Variants in CNTN5 observed in about 807,000 individuals in gnomAD.
CNTN5 encodes the protein contactin 5, also known as contactin-5.
In CNTN5, 77 loss-of-function variants were observed where a neutral mutation model predicts 129.1. The observed-to-expected ratio is 0.60, with a 90% CI of 0.50 to 0.72. The LOEUF is 0.72. CNTN5 is among the 30% of genes least tolerant of loss of function. CNTN5 has a pLI of 0.00. For synonymous variants in CNTN5, 509 were observed against 465.6 expected (o/e 1.09, Z -1.20); for missense variants, 1,478 against 1,328.8 (o/e 1.11, Z -1.75).
intron 6 of CNTN5, among the ~76,000 whole-genome samples, chr11:99,847,874 C>T (rs923573484): frequency 1.3e-5 from 2 of 151,934 alleles, no homozygotes; most frequent in Non-Finnish European, 2.9e-5. Context: ...AAAAGGGGTT[C>T]CTGAAATGAA....
intron 1 of CNTN5, among the ~76,000 whole-genome samples, chr11:99,097,141 T>C (rs945215355): frequency 6.6e-6 from 1 of 151,946 alleles, no homozygotes; most frequent in Non-Finnish European, 1.5e-5. Flanking sequence ...ATAAATATCA[T>C]AAAGAAAACC....
intron 3 of CNTN5, among the ~76,000 whole-genome samples, chr11:99,761,069 T>G (rs1327535036): frequency 6.6e-6 from 1 of 152,152 alleles, no homozygotes; most frequent in Admixed American, 6.6e-5. Flanking sequence ...TAAAAATGGT[T>G]CATATTCTCA....
chr11:99,406,304 G>A (rs1206619803), intron 2 of CNTN5, among the ~76,000 whole-genome samples: 1 of 151,900 alleles, frequency 6.6e-6, no homozygotes, highest in South Asian at 2.1e-4. Context: ...ACTCATAGAG[G>A]TACCACCTTG....
intron 8 of CNTN5, among the ~76,000 whole-genome samples, chr11:99,997,439 C>T (rs569351308): frequency 2.9e-4 from 44 of 152,266 alleles, no homozygotes; most frequent in African/African-American, 1.0e-3. Context: ...CATACACTCT[C>T]CCAAGACTAA....
At chr11:99,041,292 C>T (rs1198536567) in intron 1 of CNTN5, among the ~76,000 whole-genome samples, 2 of 152,098 alleles carry the variant, frequency 1.3e-5, no homozygotes, top group Middle Eastern at 3.2e-3. Context: ...CTGATTTTTG[C>T]CATATCTTTA....
intron 2 of CNTN5, among the ~76,000 whole-genome samples, chr11:99,514,815 G>A (rs2135421251): frequency 6.6e-6 from 1 of 152,138 alleles, no homozygotes; most frequent in Admixed American, 6.6e-5. Context: ...TATTGCAGTA[G>A]TCAAGAATTG....
chr11:100,218,850 G>C (rs940781888), intron 15 of CNTN5, among the ~76,000 whole-genome samples: 3 of 152,088 alleles, frequency 2.0e-5, no homozygotes, highest in Non-Finnish European at 4.4e-5. Context: ...CCATCTTGTA[G>C]GCAAAAGGGA....
At chr11:100,229,831 A>G (rs939347980) in intron 16 of CNTN5, among the ~76,000 whole-genome samples, 1 of 152,208 alleles carries the variant, frequency 6.6e-6, no homozygotes, top group African/African-American at 2.4e-5. Context: ...TACTCAACAC[A>G]AACATCTTTG....
At chr11:99,350,732 A>C (rs1037696248) in intron 2 of CNTN5, among the ~76,000 whole-genome samples, 2 of 152,088 alleles carry the variant, frequency 1.3e-5, no homozygotes, top group African/African-American at 4.8e-5. Flanking sequence ...TTCTATGTCT[A>C]TTTAGTTCTT....
chr11:99,204,738 G>A (rs1315263319), intron 1 of CNTN5, among the ~76,000 whole-genome samples: 2 of 152,116 alleles, frequency 1.3e-5, no homozygotes, highest in Admixed American at 6.5e-5. Context: ...TAAGTAAATG[G>A]CCTTCAGTGA....
At chr11:99,771,511 A>T (rs1413571499) in intron 3 of CNTN5, among the ~76,000 whole-genome samples, 1 of 152,042 alleles carries the variant, frequency 6.6e-6, no homozygotes, top group Non-Finnish European at 1.5e-5. Context: ...GATTAATGAA[A>T]CTGGAGGATA....
Position 99,198,154 on chromosome 11 carries a change from G to A in CNTN5, c.-209-127192G>A, listed in dbSNP as rs370255666. On this transcript the variant is annotated intron_variant, in intron 1 of 24. Coordinates refer to ENST00000524871, the MANE Select transcript of CNTN5 (RefSeq NM_014361.4). ...AAAACAAATGCTCACCCTGTTTTTT[G>A]CTTAAATTTCTTTTCTGTCTTCCCC... Among the ~76,000 whole-genome samples, 4 of 151,866 alleles carry A rather than the reference G, an allele frequency of 2.6e-5. No individual in the cohort carries two copies. The East Asian group carries it at 7.7e-4, about 29-fold the overall frequency.
chr11:99,427,943 C>A (rs1943204351), intron 2 of CNTN5, among the ~76,000 whole-genome samples: 1 of 151,796 alleles, frequency 6.6e-6, no homozygotes, highest in African/African-American at 2.4e-5. Flanking sequence ...TAATTTTAGC[C>A]AACTTAATCA....
At chr11:100,282,273 T>C (rs1014645833) in intron 18 of CNTN5, among the ~76,000 whole-genome samples, 2 of 152,228 alleles carry the variant, frequency 1.3e-5, no homozygotes, top group African/African-American at 4.8e-5. Flanking sequence ...GACTTGCGTA[T>C]TGTTATCTAG....
chr11:100,340,346 A>G, intron 21 of CNTN5, 117 bp from the exon 22 acceptor site: 1 of 663,716 alleles, frequency 1.5e-6, no homozygotes, highest in Non-Finnish European at 2.6e-6. Flanking sequence ...GTGATATAGG[A>G]GTGATTTCTT....
intron 16 of CNTN5, among the ~76,000 whole-genome samples, chr11:100,226,008 G>T (rs187983413): frequency 6.6e-6 from 1 of 152,054 alleles, no homozygotes; most frequent in East Asian, 1.9e-4. Flanking sequence ...TTGGGTGATT[G>T]GTAGTTTGTT....
At chr11:99,727,321 A>AAAAAAAAAG (rs1943382483) in intron 3 of CNTN5, among the ~76,000 whole-genome samples, 4 of 123,414 alleles carry the variant, frequency 3.2e-5, no homozygotes, top group African/African-American at 5.8e-5. Flanking sequence ...TCAAAAAAAA[A>AAAAAAAAAG]AAAAAAAAAA....
chr11:99,265,197 GA>G (rs1315098919), intron 1 of CNTN5, among the ~76,000 whole-genome samples: 36 of 135,592 alleles, frequency 2.7e-4, no homozygotes, highest in Admixed American at 6.4e-4. Context: ...TTTGGAATGA[GA>G]ATAATATTGC....
rs555431841 is a variant in CNTN5 at position 100,167,884 on chromosome 11, C to T, written c.1581-23242C>T. ...ACAGTTAGCCAAGCTGTGAATGCAA[C>T]GGAAAAGTCCTGGACAGAATTTACA... On this transcript the variant is annotated intron_variant, in intron 13 of 24. Coordinates refer to ENST00000524871, the MANE Select transcript of CNTN5 (RefSeq NM_014361.4). 9.2e-5 allele frequency among the ~76,000 whole-genome samples: 14 copies of T among 152,050 alleles called. No individual in the cohort carries two copies. The East Asian group carries it at 1.2e-3, about 13-fold the overall frequency.
Sources: allele counts gnomAD v4.1 joint callset (sites outside exome capture counted in the v4.1 genomes callset), GRCh38; gene constraint gnomAD v4.1.1; transcripts MANE v1.5; gene names NCBI Gene and HGNC (gene_info 2026-07-23, HGNC 2026-07-21).